Variants in CACNA1G observed in about 807,000 individuals in gnomAD.
CACNA1G encodes the protein voltage-dependent T-type calcium channel subunit alpha-1G.
In CACNA1G, 67 loss-of-function variants were observed where a neutral mutation model predicts 219.4. The ratio of observed to expected loss-of-function variants is 0.31; its 90% CI spans 0.25 to 0.37. The LOEUF (loss-of-function observed/expected upper bound fraction) is 0.37, where lower values mean the gene tolerates loss of function less well. Ranked by LOEUF, CACNA1G falls within the 10% of genes least tolerant of loss-of-function variation. The probability of loss-of-function intolerance (pLI) is 1.00; values close to 1 mark genes in which losing one functional copy is unlikely to be tolerated. For missense variants in CACNA1G, 2,380 were observed against 3,231.4 expected (o/e 0.74, Z 6.39); for synonymous variants, 1,296 against 1,345.3 (o/e 0.96, Z 0.80).
Position 50,626,505 on chromosome 17 carries a change from G to T in CACNA1G, c.6888G>T (p.Gly2296=). 3 of 1,581,432 alleles carry T rather than the reference G, an allele frequency of 1.9e-6. No individual in the cohort carries two copies. The highest frequency in any genetic ancestry group is 1.4e-5 in the African/African-American group (1 of 73,404). Residue 2296 remains glycine, a synonymous_variant, in exon 38 of 38, where the codon GGG becomes GGT. Transcript: ENST00000359106. This position sits in a 1 kb window ranked among gnomAD's most constrained non-coding sequence, Gnocchi z 4.3. ...CTAACCTTGGGGGCCAGCCTCTTGG[G>T]GGGCCTGGGAGCCGGCCCAAGAAAA... ...DPSNLGGQPL[G]GPGSRPKKKL...
In CACNA1G at chr17:50,603,152, G is replaced by A; in HGVS notation, c.4122G>A (p.Leu1374=). The change falls in exon 21 of 38, where the codon CTG becomes CTA. Residue 1374 remains leucine, a synonymous_variant. Coordinates refer to ENST00000359106, the MANE Select transcript of CACNA1G (RefSeq NM_018896.5). This position sits in a 1 kb window ranked among gnomAD's most constrained non-coding sequence, Gnocchi z 6.4. ...SMVSDSGTKI[L]GMLRVLRLLR... The stretch of plus-strand genomic sequence containing the variant: ...TCTCTGACAGCGGCACCAAGATCCT[G>A]GGCATGCTGAGGGTGCTGCGGCTGC... The A allele has an allele frequency of 3.1e-6, 5 of 1,611,668 alleles. No homozygotes were observed. The highest frequency in any genetic ancestry group is 4.2e-6 in the Non-Finnish European group (5 of 1,179,780).
intron 9 of CACNA1G, among the ~76,000 whole-genome samples, chr17:50,586,937 G>A (rs1478791317): frequency 1.3e-5 from 2 of 152,200 alleles, no homozygotes; most frequent in African/African-American, 4.8e-5. Flanking sequence ...GTCAACATCA[G>A]CACAGACAAG....
Position 50,578,597 on chromosome 17 carries a change from A to G in CACNA1G, c.2301+33A>G, listed in dbSNP as rs1223446310. On this transcript the variant is annotated intron_variant, in intron 9 of 37. Coordinates refer to ENST00000359106, the MANE Select transcript of CACNA1G (RefSeq NM_018896.5). This position sits in a 1 kb window ranked among gnomAD's most constrained non-coding sequence, Gnocchi z 4.5. ...AGTGGGCAGAGGCAGGGCTCCTGCC[A>G]GCTGCTTTTCGCCTGGGGCTGGGGC... 7.9e-6 allele frequency: 12 copies of G among 1,517,434 alleles called. No homozygotes were observed. Among genetic ancestry groups the G allele is most frequent in the African/African-American group, 1.4e-5 (1 of 71,640 alleles). The allele number at this position is 1,517,434 out of a possible 1,614,324, so 94.0% of individuals were successfully genotyped here.
chr17:50,600,002 C>A lies in CACNA1G; in HGVS notation c.3690+143C>A. 1.2e-6 allele frequency: 1 copy of A among 821,614 alleles called. No individual in the cohort carries two copies. The highest frequency in any genetic ancestry group is 1.9e-6 in the Non-Finnish European group (1 of 537,356). 50.9% of individuals were successfully genotyped at this position (821,614 alleles called of 1,614,324 possible). ...ACCTAGAAACCGAGCTCCAAACAAT[C>A]CCTTTTCTCCCTCTGCCCGCCTTGC... On this transcript the variant is annotated intron_variant, in intron 17 of 37. Coordinates refer to ENST00000359106, the MANE Select transcript of CACNA1G (RefSeq NM_018896.5). The surrounding 1 kb of genome is among the most constrained non-coding windows in gnomAD (Gnocchi z 4.1).
At chr17:50,587,046 C>A (rs567399803) in intron 9 of CACNA1G, among the ~76,000 whole-genome samples, 31 of 152,310 alleles carry the variant, frequency 2.0e-4, no homozygotes, top group African/African-American at 7.0e-4. Context: ...AGGAAGGATG[C>A]AGGCTAGACC....
Position 50,626,836 on chromosome 17 carries a change from T to G in CACNA1G, c.*85T>G. ...CCTGGGCTATATTCCTGACAAAAGT[T>G]CCATATAGACACCAAGGAGGCGGAG... On this transcript the variant is annotated 3_prime_UTR_variant, in exon 38 of 38. Coordinates refer to ENST00000359106, the MANE Select transcript of CACNA1G (RefSeq NM_018896.5). This position sits in a 1 kb window ranked among gnomAD's most constrained non-coding sequence, Gnocchi z 4.3. 6.4e-7 allele frequency: 1 copy of G among 1,572,618 alleles called. No individual in the cohort carries two copies. Among genetic ancestry groups the G allele is most frequent in the Non-Finnish European group, 8.7e-7 (1 of 1,143,822 alleles).
intron 16 of CACNA1G, among the ~76,000 whole-genome samples, chr17:50,597,681 A>G (rs561558465): frequency 2.7e-4 from 41 of 152,352 alleles, no homozygotes; most frequent in Non-Finnish European, 5.3e-4. Flanking sequence ...ATAAATATGC[A>G]TTACGTTATT....
intron 1 of CACNA1G, among the ~76,000 whole-genome samples, chr17:50,564,334 G>A (rs554714933): frequency 7.9e-5 from 12 of 152,000 alleles, no homozygotes; most frequent in African/African-American, 2.7e-4. Context: ...GAGTTCCTCC[G>A]CATTCCCTCT....
At chr17:50,616,447 GGAAA>G in intron 28 of CACNA1G, 63 bp downstream of exon 28, 1 of 1,009,562 alleles carries the variant, frequency 9.9e-7, no homozygotes, top group Non-Finnish European at 1.5e-6. Context: ...AGTCTCTTGG[GGAAA>G]TACCCAGGAA....
chr17:50,573,692 T>C (rs2039973005), intron 7 of CACNA1G: 1 of 152,386 alleles, frequency 6.6e-6, no homozygotes, highest in African/African-American at 2.4e-5. Flanking sequence ...CAGTGATCAA[T>C]TGGTGTTAAA....
intron 35 of CACNA1G, 130 bp from the exon 36 acceptor site, chr17:50,623,777 C>T: frequency 1.1e-6 from 1 of 916,806 alleles, no homozygotes. Context: ...CCATCTCTAC[C>T]TTGTCCTGGG....
chr17:50,617,595 G>T lies in CACNA1G; in HGVS notation c.5155+24G>T. ...AGGTTGGTGCCCAGCCCACGCACCTGCCCTCCTAGGGTGACCAGCCCAGGG... is the reference window on the plus strand; with the variant it reads ...AGGTTGGTGCCCAGCCCACGCACCTTCCCTCCTAGGGTGACCAGCCCAGGG... On this transcript the variant is annotated intron_variant, in intron 29 of 37. Transcript: ENST00000359106. This position sits in a 1 kb window ranked among gnomAD's most constrained non-coding sequence, Gnocchi z 5.8. 2 of 1,611,428 alleles carry T rather than the reference G, an allele frequency of 1.2e-6. No individual in the cohort carries two copies. Among genetic ancestry groups the T allele is most frequent in the Middle Eastern group, 1.7e-4 (1 of 6,054 alleles).
At chr17:50,599,330 G>A in intron 16 of CACNA1G, 98 bp from the exon 17 acceptor site, 1 of 1,107,658 alleles carries the variant, frequency 9.0e-7, no homozygotes, top group African/African-American at 1.6e-5. Flanking sequence ...CCCTACACTT[G>A]ATGTGATGCC....
chr17:50,601,644 G>T (rs573154607), intron 19 of CACNA1G, among the ~76,000 whole-genome samples: 1 of 152,296 alleles, frequency 6.6e-6, no homozygotes, highest in East Asian at 1.9e-4. Flanking sequence ...ACTTCTGCTT[G>T]GCTGCGAACC....
In CACNA1G at chr17:50,590,618, A is replaced by G. The variant is rs1320428483; in HGVS notation, c.2449A>G (p.Ile817Val). ...YNIFDGVIVV[I>V]SVWEIVGQQG... ...CATCTTCGATGGTGTCATTGTGGTCATCAGGTATGACTACCCCCCGGCACT... is the reference window on the plus strand; with the variant it reads ...CATCTTCGATGGTGTCATTGTGGTCGTCAGGTATGACTACCCCCCGGCACT... The change falls in exon 10 of 38, where the codon ATC (isoleucine) becomes GTC (valine). Residue 817 changes from isoleucine to valine, a missense_variant. By Grantham distance (29) the Ile-to-Val change is conservative (BLOSUM62 3). This residue lies in a region of CACNA1G where 82 missense variants were observed against 140.7 expected (regional missense o/e 0.58). Coordinates refer to ENST00000359106, the MANE Select transcript of CACNA1G (RefSeq NM_018896.5). The G allele has an allele frequency of 6.2e-7, 1 of 1,613,494 alleles. No homozygotes were observed. The highest frequency in any genetic ancestry group is 1.3e-5 in the African/African-American group (1 of 74,904).
At chr17:50,587,150 G>A (rs1598316844) in intron 9 of CACNA1G, among the ~76,000 whole-genome samples, 1 of 152,274 alleles carries the variant, frequency 6.6e-6, no homozygotes, top group South Asian at 2.1e-4. Context: ...CTCTGTCTGG[G>A]TATATGGTGG....
At chr17:50,582,737 T>G (rs1479548734) in intron 9 of CACNA1G, among the ~76,000 whole-genome samples, 2 of 151,762 alleles carry the variant, frequency 1.3e-5, no homozygotes, top group African/African-American at 4.8e-5. Flanking sequence ...GGTGCTAGTC[T>G]AATGTTCTAG....
intron 3 of CACNA1G, 56 bp downstream of exon 3, chr17:50,569,354 G>C: frequency 6.3e-7 from 1 of 1,590,144 alleles, no homozygotes; most frequent in Non-Finnish European, 8.6e-7. Flanking sequence ...CCTTCCCCGG[G>C]GCCAGGGTTC....
At chr17:50,594,874 T>C (rs1240185298) in intron 13 of CACNA1G, 119 bp from the exon 14 acceptor site, 2 of 680,722 alleles carry the variant, frequency 2.9e-6, no homozygotes, top group East Asian at 2.8e-5. Context: ...GTCTCTCAGT[T>C]CCCCTGCTGT....
Sources: gnomAD v4.1 joint callset for allele counts (sites outside exome capture counted in the v4.1 genomes callset) on GRCh38, gnomAD v4.1.1 for gene constraint, gnomAD v4.1.1 regional missense constraint, Gnocchi (gnomAD v3.1) non-coding constraint, MANE v1.5 for transcripts, NCBI Gene and HGNC (gene_info 2026-07-23, HGNC 2026-07-21) for gene names.